Variants in OPRM1 observed in about 807,000 individuals in gnomAD.
The protein encoded by OPRM1 is opioid receptor mu 1.
In OPRM1, 27 loss-of-function variants were observed where a neutral mutation model predicts 31.8. The observed-to-expected ratio is 0.85, with a 90% confidence interval of 0.63 to 1.17. The LOEUF is 1.17. Ranked by LOEUF, OPRM1 falls within the 50% of genes most tolerant of loss-of-function variation. OPRM1 has a pLI of 0.00. For synonymous variants in OPRM1, 196 were observed against 189.9 expected (o/e 1.03, Z -0.26); for missense variants, 536 against 511.1 (o/e 1.05, Z -0.47).
chr6:154,211,264 AAATT>A (rs1015664428), intron 3 of OPRM1, among the ~76,000 whole-genome samples: 1 of 151,972 alleles, frequency 6.6e-6, no homozygotes, highest in Non-Finnish European at 1.5e-5. Context: ...AAAATACAAA[AAATT>A]AGCCGGGCGA....
chr6:154,135,488 GATATAGATATAGAT>G (rs1798036399), downstream of OPRM1, among the ~76,000 whole-genome samples: 1 of 77,428 alleles, frequency 1.3e-5, no homozygotes, highest in Admixed American at 1.8e-4. Flanking sequence ...TATATAGATA[GATATAGATATAGAT>G]ATAGATATAG....
At chr6:154,034,417 G>A (rs1200445688), upstream of OPRM1, among the ~76,000 whole-genome samples, 3 of 152,212 alleles carry the variant, frequency 2.0e-5, no homozygotes, top group South Asian at 2.1e-4. Flanking sequence ...GTTTGGTGGC[G>A]GGCGCCTGTA....
chr6:154,010,857 T>G lies in OPRM1; in HGVS notation c.-162T>G, dbSNP rs553107748. The G allele has an allele frequency of 5.9e-5, 79 of 1,342,750 alleles. 1 individual carries two copies. The South Asian group carries it at 1.0e-3, about 17-fold the overall frequency. The allele number at this position is 1,342,750 out of a possible 1,614,324, so 83.2% of individuals were successfully genotyped here. On this transcript the variant is annotated 5_prime_UTR_variant, in exon 1 of 6. Transcript: ENST00000434900. The stretch of plus-strand genomic sequence containing the variant: ...TTCCTGTAATTGCAGCCCCTTGTTC[T>G]TGTGGTTGCTACATGCAATAAATGT...
intron 3 of OPRM1, chr6:154,159,583 T>A: frequency 2.0e-6 from 1 of 509,316 alleles, no homozygotes; most frequent in South Asian, 2.5e-5. Flanking sequence ...GAGCTCCCAG[T>A]AGGAACACAA....
chr6:154,179,901 T>G (rs754455122), intron 3 of OPRM1, among the ~76,000 whole-genome samples: 2 of 152,152 alleles, frequency 1.3e-5, no homozygotes, highest in Non-Finnish European at 2.9e-5. Context: ...TTTGAGTTCA[T>G]CTGGGATTGT....
At chr6:154,082,317 C>T (rs1789347980) in intron 1 of OPRM1, among the ~76,000 whole-genome samples, 1 of 151,906 alleles carries the variant, frequency 6.6e-6, no homozygotes, top group African/African-American at 2.4e-5. Flanking sequence ...TTAAATTATT[C>T]TATCCATGTT....
intron 1 of OPRM1, among the ~76,000 whole-genome samples, chr6:154,029,809 T>C (rs1343248010): frequency 1.3e-5 from 2 of 152,168 alleles, no homozygotes; most frequent in East Asian, 3.9e-4. Flanking sequence ...CTGATGGTTT[T>C]ATAGGAGGGT....
chr6:154,066,941 A>T (rs79396840), intron 1 of OPRM1, among the ~76,000 whole-genome samples: 3 of 152,292 alleles, frequency 2.0e-5, no homozygotes, highest in South Asian at 2.1e-4. Flanking sequence ...CATCCAGATT[A>T]TCCAATTTGT....
In OPRM1 at chr6:154,128,246, C is replaced by A. The variant is rs1797699956; in HGVS notation, c.*9525C>A. Among the ~76,000 whole-genome samples the A allele has an allele frequency of 1.3e-5, 2 of 152,154 alleles. No homozygotes were observed. Among genetic ancestry groups the A allele is most frequent in the African/African-American group, 4.8e-5 (2 of 41,446 alleles). ...ATCTGCCCAGTGATTTGTGTGTTTT[C>A]TTAATAAACTTTACCCACTTATTAA... On this transcript the variant is annotated 3_prime_UTR_variant, in exon 4 of 4. Transcript: ENST00000330432.
At position 154,168,234 on chromosome 6, in the gene OPRM1, C is replaced by T. The variant is rs1799591737; in HGVS notation, c.1164+76762C>T. On this transcript the variant is annotated intron_variant, in intron 3 of 3. Coordinates refer to the OPRM1 transcript ENST00000337049. This position sits in a 1 kb window ranked among gnomAD's most constrained non-coding sequence, Gnocchi z 4.1. ...GGCACCCTCATCTCAGACTTCTCTC[C>T]GGAACTGAAAGACAATAAATGTTTG... 6 of 678,432 alleles carry T rather than the reference C, an allele frequency of 8.8e-6. No homozygotes were observed. Among genetic ancestry groups the T allele is most frequent in the Admixed American group, 5.5e-5 (2 of 36,418 alleles). 42.0% of individuals were successfully genotyped at this position (678,432 alleles called of 1,614,324 possible).
intron 3 of OPRM1, among the ~76,000 whole-genome samples, chr6:154,192,118 G>C (rs889150983): frequency 8.5e-5 from 13 of 152,158 alleles, no homozygotes; most frequent in African/African-American, 2.4e-4. Flanking sequence ...TTCTCTAGGG[G>C]TATACACCTG....
At chr6:154,228,894 A>G (rs926035335) in intron 3 of OPRM1, among the ~76,000 whole-genome samples, 4 of 152,238 alleles carry the variant, frequency 2.6e-5, no homozygotes, top group Non-Finnish European at 4.4e-5. Flanking sequence ...GTCTCAAAAC[A>G]AACAAACAAA....
chr6:154,167,629 AC>A, intron 3 of OPRM1, among the ~76,000 whole-genome samples: 1 of 152,220 alleles, frequency 6.6e-6, no homozygotes, highest in Admixed American at 6.5e-5. Flanking sequence ...GGGTTAAAAA[AC>A]AAATTATGCA....
chr6:154,086,082 T>C (rs968654933), intron 1 of OPRM1, among the ~76,000 whole-genome samples: 2 of 151,890 alleles, frequency 1.3e-5, no homozygotes, highest in Non-Finnish European at 2.9e-5. Flanking sequence ...AAGTGATCCA[T>C]TCACCTCAGC....
At chr6:154,191,364 G>A (rs1248978363) in intron 3 of OPRM1, among the ~76,000 whole-genome samples, 2 of 152,022 alleles carry the variant, frequency 1.3e-5, no homozygotes, top group African/African-American at 2.4e-5. Context: ...AGAACTGTAT[G>A]ACATAACGAC....
intron 3 of OPRM1, among the ~76,000 whole-genome samples, chr6:154,196,260 C>A (rs1319362798): frequency 6.6e-6 from 1 of 152,180 alleles, no homozygotes; most frequent in African/African-American, 2.4e-5. Context: ...ATGATTCCAA[C>A]AGCAACTCTC....
chr6:154,153,227 G>A (rs1798589495), intron 3 of OPRM1, among the ~76,000 whole-genome samples: 1 of 152,232 alleles, frequency 6.6e-6, no homozygotes, highest in African/African-American at 2.4e-5. Flanking sequence ...GGACTCAGCA[G>A]GATATTTGAA....
In OPRM1 at chr6:154,129,148, G is replaced by A. The variant is rs1415415591; in HGVS notation, c.*10427G>A. Among the ~76,000 whole-genome samples the A allele has an allele frequency of 6.6e-6, 1 of 152,140 alleles. No homozygotes were observed. The highest frequency in any genetic ancestry group is 1.5e-5 in the Non-Finnish European group (1 of 68,026). On this transcript the variant is annotated 3_prime_UTR_variant, in exon 4 of 4. Coordinates refer to ENST00000330432, the MANE Select transcript of OPRM1 (RefSeq NM_000914.5). ...AGTACACAATTTCTGTCCCTTTTAA[G>A]GGCTCACAACACTAGATTTCACATG... is the stretch of plus-strand genomic sequence containing the variant.
At chr6:154,172,635 A>G (rs1159243610) in intron 3 of OPRM1, among the ~76,000 whole-genome samples, 2 of 152,170 alleles carry the variant, frequency 1.3e-5, no homozygotes, top group Non-Finnish European at 2.9e-5. Flanking sequence ...CTATGCTCAC[A>G]GTGTAAACAA....
Sources: allele counts gnomAD v4.1 joint callset (sites outside exome capture counted in the v4.1 genomes callset), GRCh38; gene constraint gnomAD v4.1.1; non-coding constraint Gnocchi (gnomAD v3.1); transcripts MANE v1.5; gene names NCBI Gene and HGNC (gene_info 2026-07-23, HGNC 2026-07-21).